GFPT1: variants seen among roughly 807,000 people sequenced by gnomAD.
The protein encoded by GFPT1 is glutamine--fructose-6-phosphate aminotransferase [isomerizing] 1.
Under a neutral mutation model 92.0 loss-of-function variants are expected in GFPT1, and 40 were observed. The ratio of observed to expected loss-of-function variants is 0.43; its 90% CI spans 0.34 to 0.57. The LOEUF is 0.57. Among genes scored for constraint, GFPT1 ranks in the 20% least tolerant of loss-of-function variants. GFPT1 has a pLI of 0.02. For synonymous variants in GFPT1, 269 were observed against 280.6 expected, an observed-to-expected ratio of 0.96 and a Z score of 0.41; for missense variants, 448 against 869.1, an observed-to-expected ratio of 0.52 and a Z score of 6.09.
intron 2 of GFPT1, among the ~76,000 whole-genome samples, chr2:69,372,922 C>G (rs1254649288): frequency 6.6e-6 from 1 of 152,168 alleles, no homozygotes; most frequent in African/African-American, 2.4e-5. Flanking sequence ...TTCCTACCAC[C>G]CTAACCAAAA....
chr2:69,384,819 GA>G (rs1672096430), intron 1 of GFPT1, among the ~76,000 whole-genome samples: 1 of 151,106 alleles, frequency 6.6e-6, no homozygotes, highest in Non-Finnish European at 1.5e-5. Context: ...AGGAAAGAAA[GA>G]GAAAAACTTA....
At chr2:69,367,320 T>C (rs1033318180) in intron 3 of GFPT1, among the ~76,000 whole-genome samples, 1 of 151,760 alleles carries the variant, frequency 6.6e-6, no homozygotes, top group Admixed American at 6.6e-5. Flanking sequence ...CATATGCTCA[T>C]TCACTATCAT....
At chr2:69,329,619 A>C in intron 16 of GFPT1, 65 bp downstream of exon 16, 4 of 1,121,764 alleles carry the variant, frequency 3.6e-6, no homozygotes, top group Non-Finnish European at 5.5e-6. Context: ...TTCAAGGATA[A>C]GAGAATTTTA....
intron 1 of GFPT1, among the ~76,000 whole-genome samples, chr2:69,376,132 G>GTC (rs1671865411): frequency 6.6e-6 from 1 of 151,904 alleles, no homozygotes; most frequent in African/African-American, 2.4e-5. Context: ...GATTAAACAC[G>GTC]TACAGATAAC....
rs1670381436 is a variant in GFPT1, at chr2:69,320,642, G to C, written c.*5547C>G. On this transcript the variant is annotated 3_prime_UTR_variant, in exon 20 of 20. Transcript: ENST00000357308. ...GTCTCTACTAAAAACACAAAAATTA[G>C]CTAGGCATGGTGGCACGTGCCTGTA... 1 of 152,250 alleles carries C rather than the reference G, an allele frequency of 6.6e-6. No homozygotes were observed. The highest frequency in any genetic ancestry group is 2.4e-5 in the African/African-American group (1 of 41,432). 9.4% of individuals were successfully genotyped at this position (152,250 alleles called of 1,614,324 possible). A position where few individuals can be genotyped will look rare whatever the true frequency, so the allele number is the denominator to read the frequency against.
chr2:69,355,120 C>T (rs529047511), intron 7 of GFPT1, among the ~76,000 whole-genome samples: 1 of 152,290 alleles, frequency 6.6e-6, no homozygotes, highest in South Asian at 2.1e-4. Flanking sequence ...CTCTGTCTCC[C>T]AGGCTAGAGT....
intron 16 of GFPT1, 95 bp from the exon 17 acceptor site, chr2:69,329,519 C>A: frequency 9.6e-7 from 1 of 1,046,422 alleles, no homozygotes; most frequent in Non-Finnish European, 1.5e-6. Context: ...GTTTCTATTC[C>A]TCTGTGCTAT....
In GFPT1 at chr2:69,343,704, G is replaced by A. The variant is rs573076260; in HGVS notation, c.1106-1455C>T. Among the ~76,000 whole-genome samples, 810 of 152,130 alleles carry A rather than the reference G, an allele frequency of 5.3e-3. 4 individuals are homozygous for A. The highest frequency in any genetic ancestry group is 8.2e-3 in the Non-Finnish European group (558 of 67,998). On this transcript the variant is annotated intron_variant, in intron 12 of 19. Coordinates refer to ENST00000357308, the MANE Select transcript of GFPT1 (RefSeq NM_001244710.2). ...TGGGATTACAGGTGTCAGCCACCAC[G>A]CCCAGCCAGTCCACCTTCTTTTTTA...
In GFPT1 at chr2:69,324,440, C is replaced by G. The variant is rs1411276131; in HGVS notation, c.*1749G>C. On this transcript the variant is annotated 3_prime_UTR_variant, in exon 20 of 20. Coordinates refer to ENST00000357308, the MANE Select transcript of GFPT1 (RefSeq NM_001244710.2). Reference sequence around the variant, plus strand: ...GACTTACACAAAATAATCTTAGAAACAATTAAAGTAGATTAATATAGCTAT... The same window carrying G: ...GACTTACACAAAATAATCTTAGAAAGAATTAAAGTAGATTAATATAGCTAT... 2.6e-5 allele frequency: 4 copies of G among 151,988 alleles called. No individual in the cohort carries two copies. Among genetic ancestry groups the G allele is most frequent in the Non-Finnish European group, 5.9e-5 (4 of 68,008 alleles). The allele number at this position is 151,988 out of a possible 1,614,324, so 9.4% of individuals were successfully genotyped here. A position where few individuals can be genotyped will look rare whatever the true frequency, so the allele number is the denominator to read the frequency against.
chr2:69,355,422 CAAAT>C, intron 7 of GFPT1, among the ~76,000 whole-genome samples: 1 of 151,336 alleles, frequency 6.6e-6, no homozygotes, highest in Non-Finnish European at 1.5e-5. Context: ...TCTTAATTGA[CAAAT>C]AAAAATTGTA....
rs188776742 is a variant in GFPT1 at position 69,335,584 on chromosome 2, G to A, written c.1482+2314C>T. Among the ~76,000 whole-genome samples, 7 of 152,202 alleles carry A rather than the reference G, an allele frequency of 4.6e-5. No individual in the cohort carries two copies. In the East Asian group the frequency reaches 1.4e-3, roughly 29 times the overall value. ...TCCAATCCCCCAATCAAATCCTTAA[G>A]TGCTACTAAAGGTGGCTGGTCATTT... On this transcript the variant is annotated intron_variant, in intron 15 of 19. Transcript: ENST00000357308.
intron 15 of GFPT1, among the ~76,000 whole-genome samples, chr2:69,336,418 T>G (rs1341108939): frequency 6.6e-6 from 1 of 151,444 alleles, no homozygotes; most frequent in East Asian, 1.9e-4. Flanking sequence ...CAAAAAATTC[T>G]CTATGAGAAT....
intron 10 of GFPT1, among the ~76,000 whole-genome samples, chr2:69,349,438 A>G (rs1671156970): frequency 6.6e-6 from 1 of 152,174 alleles, no homozygotes; most frequent in Admixed American, 6.5e-5. Flanking sequence ...CTGAGATAAT[A>G]TATTCCCTGA....
At position 69,324,667 on chromosome 2, in the gene GFPT1, G is replaced by C. The variant is rs528845457; in HGVS notation, c.*1522C>G. On this transcript the variant is annotated 3_prime_UTR_variant, in exon 20 of 20. Coordinates refer to ENST00000357308, the MANE Select transcript of GFPT1 (RefSeq NM_001244710.2). The stretch of plus-strand genomic sequence containing the variant: ...TAGAAAATCTTAACCTCACCCAGAA[G>C]TTAAAACAAGAAAAGAAAGAAAAGA... 3 of 152,010 alleles carry C rather than the reference G, an allele frequency of 2.0e-5. No homozygotes were observed. The East Asian group carries it at 5.8e-4, about 29-fold the overall frequency. The allele number at this position is 152,010 out of a possible 1,614,324, so 9.4% of individuals were successfully genotyped here. A position where few individuals can be genotyped will look rare whatever the true frequency, so the allele number is the denominator to read the frequency against.
At position 69,326,228 on chromosome 2, in the gene GFPT1, A is replaced by G. The variant is rs1226651039; in HGVS notation, c.2061T>C (p.Asp687=). ...CAGATTTGGCAAGATTCCGTGGGAA[A>G]TCAACCTGCAAAAAGAAAAAAAAAA... ...HLAVLRGYDV[D]FPRNLAKSVT... The change falls in exon 20 of 20, where the codon GAT becomes GAC. Residue 687 remains aspartate (D), a synonymous_variant. Transcript: ENST00000357308. The G allele has an allele frequency of 6.3e-7, 1 of 1,581,724 alleles. No individual in the cohort carries two copies. The highest frequency in any genetic ancestry group is 8.6e-7 in the Non-Finnish European group (1 of 1,168,006).
intron 14 of GFPT1, 124 bp from the exon 15 acceptor site, chr2:69,338,179 T>G: frequency 2.2e-6 from 2 of 908,602 alleles, no homozygotes; most frequent in Non-Finnish European, 3.6e-6. Context: ...ATACAAAACA[T>G]CCACTTAATA....
rs10634143 is a variant in GFPT1 at position 69,328,701 on chromosome 2, C to CTTTT, written c.1726-267_1726-264dup. On this transcript the variant is annotated intron_variant, in intron 17 of 19. Transcript: ENST00000357308. ...AACATATTCATATTTCTGGTTAACC[C>CTTTT]TTTTTTTTTTTTTTTTTAAGACAGA... Among the ~76,000 whole-genome samples the CTTTT allele has an allele frequency of 9.2e-4, 125 of 136,194 alleles. 4 individuals carry two copies. The highest frequency in any genetic ancestry group is 4.0e-3 in the Middle Eastern group (1 of 252). The allele number at this position is 136,194 out of a possible 152,430, so 89.3% of individuals were successfully genotyped here.
intron 2 of GFPT1, among the ~76,000 whole-genome samples, chr2:69,372,330 G>T (rs1054916573): frequency 3.9e-5 from 6 of 152,098 alleles, no homozygotes; most frequent in African/African-American, 1.4e-4. Context: ...AGCACTTTGG[G>T]AGGCCAGGGC....
intron 13 of GFPT1, among the ~76,000 whole-genome samples, chr2:69,338,984 C>T (rs1670870478): frequency 6.6e-6 from 1 of 152,030 alleles, no homozygotes; most frequent in Non-Finnish European, 1.5e-5. Context: ...TGGGGTTTCA[C>T]CATGTTGGCC....
Sources: gnomAD v4.1 joint callset for allele counts (sites outside exome capture counted in the v4.1 genomes callset) on GRCh38, gnomAD v4.1.1 for gene constraint, MANE v1.5 for transcripts, NCBI Gene and HGNC (gene_info 2026-07-23, HGNC 2026-07-21) for gene names.